PCDH15: variants seen among roughly 807,000 people sequenced by gnomAD.
PCDH15 encodes protocadherin related 15.
Under a neutral mutation model 178.5 loss-of-function variants are expected in PCDH15, and 129 were observed. That is an observed-to-expected ratio of 0.72 (90% CI 0.63 to 0.84). The LOEUF (loss-of-function observed/expected upper bound fraction) is 0.84, where lower values mean the gene tolerates loss of function less well. Among genes scored for constraint, PCDH15 ranks in the 40% least tolerant of loss-of-function variants. The probability of loss-of-function intolerance (pLI) is 0.00; values close to 1 mark genes in which losing one functional copy is unlikely to be tolerated. For synonymous variants in PCDH15, 800 were observed against 732.0 expected, an observed-to-expected ratio of 1.09 and a Z score of -1.50; for missense variants, 2,230 against 2,099.9, an observed-to-expected ratio of 1.06 and a Z score of -1.21.
chr10:55,428,701 AG>A (rs2132054193), intron 2 of PCDH15, among the ~76,000 whole-genome samples: 1 of 151,964 alleles, frequency 6.6e-6, no homozygotes, highest in Non-Finnish European at 1.5e-5. Flanking sequence ...TGGTATAACT[AG>A]GTCATTTAAA....
intron 1 of PCDH15, among the ~76,000 whole-genome samples, chr10:55,272,132 C>T (rs949586854): frequency 1.3e-5 from 2 of 151,832 alleles, no homozygotes; most frequent in African/African-American, 4.8e-5. Context: ...TAGTAGGGAA[C>T]TTAATAATTA....
chr10:54,642,518 A>C (rs1331631062), intron 2 of PCDH15, among the ~76,000 whole-genome samples: 1 of 152,106 alleles, frequency 6.6e-6, no homozygotes, highest in Non-Finnish European at 1.5e-5. Flanking sequence ...CAGATAGTAG[A>C]GACCTTAAAA....
At chr10:54,649,916 A>C (rs1325306830) in intron 2 of PCDH15, among the ~76,000 whole-genome samples, 1 of 152,130 alleles carries the variant, frequency 6.6e-6, no homozygotes, top group Non-Finnish European at 1.5e-5. Flanking sequence ...TTGCCCTTCT[A>C]GCTGACGCAT....
intron 2 of PCDH15, among the ~76,000 whole-genome samples, chr10:55,006,934 TG>T (rs1258026074): frequency 2.0e-5 from 3 of 152,162 alleles, no homozygotes; most frequent in African/African-American, 7.2e-5. Context: ...GTTTGAATCA[TG>T]GGGGAAGATC....
chr10:54,075,135 T>C (rs780362370), intron 17 of PCDH15, among the ~76,000 whole-genome samples: 10 of 152,100 alleles, frequency 6.6e-5, no homozygotes, highest in Non-Finnish European at 1.5e-4. Context: ...CCCAGCACTT[T>C]GGGAGGCTGA....
chr10:53,807,961 G>A (rs2075718236), intron 37 of PCDH15: 1 of 152,070 alleles, frequency 6.6e-6, no homozygotes. Flanking sequence ...TTTGGAATAT[G>A]TGAACTATCA....
At chr10:55,521,930 G>A (rs1841185849) in intron 2 of PCDH15, among the ~76,000 whole-genome samples, 1 of 151,894 alleles carries the variant, frequency 6.6e-6, no homozygotes, top group Admixed American at 6.6e-5. Context: ...CATGTGGCAT[G>A]TTGCTAGCTG....
At chr10:54,184,789 A>G (rs1489262787) in intron 12 of PCDH15, among the ~76,000 whole-genome samples, 1 of 152,176 alleles carries the variant, frequency 6.6e-6, no homozygotes, top group African/African-American at 2.4e-5. Flanking sequence ...TGACTAAATA[A>G]AAAATGCAAG....
At chr10:54,729,865 G>A (rs1053448459) in intron 1 of PCDH15, among the ~76,000 whole-genome samples, 3 of 151,106 alleles carry the variant, frequency 2.0e-5, no homozygotes, top group Non-Finnish European at 4.4e-5. Context: ...ATCTTACAAC[G>A]CTCAGAATGA....
At chr10:54,342,868 T>G (rs905140537) in intron 6 of PCDH15, among the ~76,000 whole-genome samples, 1 of 152,224 alleles carries the variant, frequency 6.6e-6, no homozygotes, top group Non-Finnish European at 1.5e-5. Flanking sequence ...CCTGCTGTGT[T>G]GTGGACTTGC....
intron 6 of PCDH15, among the ~76,000 whole-genome samples, chr10:54,343,666 G>A (rs1942694078): frequency 6.6e-6 from 1 of 151,192 alleles, no homozygotes; most frequent in South Asian, 2.1e-4. Flanking sequence ...GGAGGGGAGA[G>A]GGACAGCATT....
intron 20 of PCDH15, among the ~76,000 whole-genome samples, chr10:54,012,474 A>C (rs2092618991): frequency 6.6e-6 from 1 of 152,104 alleles, no homozygotes; most frequent in Non-Finnish European, 1.5e-5. Flanking sequence ...GACAATCCCC[A>C]AAACACATAA....
chr10:54,960,216 A>G lies in PCDH15; in HGVS notation c.-79-62716T>C, dbSNP rs140881924. Among the ~76,000 whole-genome samples the G allele has an allele frequency of 1.2e-3, 178 of 152,260 alleles. 1 individual carries two copies. Among genetic ancestry groups the G allele is most frequent in the African/African-American group, 4.0e-3 (165 of 41,546 alleles). On this transcript the variant is annotated intron_variant, in intron 2 of 5. Transcript: ENST00000458638. ...CTAACATCTCTGTCAGTGACTATCT[A>G]GGCAATCTTTGCCCAATAATTCAAG...
chr10:55,234,472 T>C (rs1184238510), intron 1 of PCDH15, among the ~76,000 whole-genome samples: 1 of 151,954 alleles, frequency 6.6e-6, no homozygotes, highest in Non-Finnish European at 1.5e-5. Flanking sequence ...GGCACAATCA[T>C]GGCTCACTGC....
At chr10:54,090,939 T>C (rs1475305524) in intron 15 of PCDH15, among the ~76,000 whole-genome samples, 7 of 152,196 alleles carry the variant, frequency 4.6e-5, no homozygotes, top group African/African-American at 1.7e-4. Flanking sequence ...GCACATAGAC[T>C]AATATCTGGT....
chr10:54,322,707 A>G lies in PCDH15; in HGVS notation c.706-5266T>C, dbSNP rs1214084374. ...GCTGAATTCTACCAGACATACAAAA[A>G]TTGACTCAAGATGAATTAAAGATTT... On this transcript the variant is annotated intron_variant, in intron 7 of 37. Coordinates refer to ENST00000644397, the MANE Select transcript of PCDH15 (RefSeq NM_001384140.1). Among the ~76,000 whole-genome samples, 3 of 152,204 alleles carry G rather than the reference A, an allele frequency of 2.0e-5. No individual in the cohort carries two copies. In the East Asian group the frequency reaches 5.8e-4, roughly 29 times the overall value.
At chr10:54,832,015 G>A (rs1463293570) in intron 3 of PCDH15, among the ~76,000 whole-genome samples, 3 of 151,970 alleles carry the variant, frequency 2.0e-5, no homozygotes, top group Non-Finnish European at 4.4e-5. Flanking sequence ...ATTTTCCTTG[G>A]TATTTAAATA....
At chr10:54,703,014 A>T (rs530138702) in intron 1 of PCDH15, among the ~76,000 whole-genome samples, 1 of 152,244 alleles carries the variant, frequency 6.6e-6, no homozygotes, top group East Asian at 1.9e-4. Flanking sequence ...GCAGCATTCT[A>T]AAAGCTCATT....
intron 2 of PCDH15, among the ~76,000 whole-genome samples, chr10:54,550,480 G>T (rs1171386007): frequency 9.5e-6 from 1 of 104,720 alleles, no homozygotes; most frequent in South Asian, 3.1e-4. Flanking sequence ...GTGCCTTAGT[G>T]TATGTGTCTG....
Sources: gnomAD v4.1 joint callset for allele counts (sites outside exome capture counted in the v4.1 genomes callset) on GRCh38, gnomAD v4.1.1 for gene constraint, MANE v1.5 for transcripts, NCBI Gene and HGNC (gene_info 2026-07-23, HGNC 2026-07-21) for gene names.